The following TRPC7 variants were observed in gnomAD, a reference collection of about 807,000 sequenced individuals.
TRPC7 encodes transient receptor potential cation channel subfamily C member 7.
TRPC7 carries 42 observed loss-of-function variants against 90.1 expected under a neutral mutation model. The ratio of observed to expected loss-of-function variants is 0.47; its 90% CI spans 0.36 to 0.60. TRPC7 has a LOEUF of 0.60. Ranked by LOEUF, TRPC7 falls within the 20% of genes least tolerant of loss-of-function variation. TRPC7 has a pLI of 0.00. For synonymous variants in TRPC7, 451 were observed against 436.3 expected (o/e 1.03, Z -0.42); for missense variants, 955 against 1,112.3 (o/e 0.86, Z 2.01).
chr5:136,304,900 C>T (rs980660549), intron 3 of TRPC7, among the ~76,000 whole-genome samples: 2 of 152,352 alleles, frequency 1.3e-5, no homozygotes, highest in Non-Finnish European at 2.9e-5. Context: ...TACCCTGTAG[C>T]CTTTCTGTCC....
At chr5:136,286,778 C>T (rs1436490362) in intron 3 of TRPC7, among the ~76,000 whole-genome samples, 2 of 152,178 alleles carry the variant, frequency 1.3e-5, no homozygotes, top group Non-Finnish European at 2.9e-5. Context: ...GTCTCCTTCT[C>T]CATGGGACTG....
chr5:136,223,957 G>A (rs11743130), intron 10 of TRPC7, among the ~76,000 whole-genome samples: 8,821 of 152,204 alleles, frequency 0.058, 258 homozygotes, highest in Middle Eastern at 0.071. Flanking sequence ...CTAATTTTTC[G>A]CCTGTCATCT....
chr5:136,279,231 A>C (rs573173626), intron 3 of TRPC7, among the ~76,000 whole-genome samples: 3 of 152,170 alleles, frequency 2.0e-5, no homozygotes, highest in Non-Finnish European at 4.4e-5. Flanking sequence ...TTACTTACAC[A>C]AATGACCTTA....
intron 6 of TRPC7, among the ~76,000 whole-genome samples, chr5:136,248,035 G>A (rs1285492417): frequency 6.6e-6 from 1 of 152,164 alleles, no homozygotes; most frequent in East Asian, 1.9e-4. Flanking sequence ...ACCACGGGCT[G>A]GGCAGGTTCC....
intron 5 of TRPC7, among the ~76,000 whole-genome samples, chr5:136,254,250 G>T (rs930947599): frequency 1.3e-5 from 2 of 152,172 alleles, no homozygotes; most frequent in African/African-American, 4.8e-5. Context: ...ACGGATTTTT[G>T]ATGTAGATTA....
rs138832967 is a variant in TRPC7 at position 136,365,145 on chromosome 5, A to C, written c.2+108T>G. The C allele has an allele frequency of 3.6e-4, 446 of 1,250,236 alleles. 3 individuals are homozygous for C. The African/African-American group carries it at 5.9e-3, about 16-fold the overall frequency. 77.4% of individuals were successfully genotyped at this position (1,250,236 alleles called of 1,614,324 possible). A position where few individuals can be genotyped will look rare whatever the true frequency, so the allele number is the denominator to read the frequency against. On this transcript the variant is annotated intron_variant, in intron 1 of 11. Transcript: ENST00000513104. ...ATCCATCTAAAAATCTAAGCAGTGC[A>C]CTAGAGGAAGAAGGCTGATAAATGA...
At chr5:136,231,811 C>T (rs1382615655) in intron 7 of TRPC7, among the ~76,000 whole-genome samples, 1 of 152,134 alleles carries the variant, frequency 6.6e-6, no homozygotes, top group Non-Finnish European at 1.5e-5. Context: ...CACTATGTCG[C>T]CCAGGCTGGT....
chr5:136,356,553 A>C (rs1760382290), intron 2 of TRPC7, 55 bp downstream of exon 2: 1 of 1,469,782 alleles, frequency 6.8e-7, no homozygotes, highest in Non-Finnish European at 9.1e-7. Context: ...CACTGGACAC[A>C]CGTGGAAGAG....
chr5:136,341,007 C>G (rs1159252477), intron 2 of TRPC7, among the ~76,000 whole-genome samples: 1 of 152,154 alleles, frequency 6.6e-6, no homozygotes, highest in Admixed American at 6.5e-5. Flanking sequence ...AAAAGAGACT[C>G]ATTCTCTCTG....
At chr5:136,269,513 T>C (rs966877927) in intron 4 of TRPC7, among the ~76,000 whole-genome samples, 16 of 152,200 alleles carry the variant, frequency 1.1e-4, no homozygotes, top group Non-Finnish European at 2.9e-5. Context: ...CCTGTGGCTG[T>C]GATTGTGGTA....
intron 7 of TRPC7, among the ~76,000 whole-genome samples, chr5:136,246,319 C>A (rs1756336569): frequency 6.6e-6 from 1 of 152,184 alleles, no homozygotes; most frequent in African/African-American, 2.4e-5. Context: ...AGAGCAGTGA[C>A]CTGCAACCAC....
Position 136,247,535 on chromosome 5 carries a change from T to C in TRPC7, c.1780A>G (p.Met594Val). The C allele has an allele frequency of 2.5e-6, 4 of 1,613,950 alleles. No homozygotes were observed. Among genetic ancestry groups the C allele is most frequent in the Non-Finnish European group, 3.4e-6 (4 of 1,179,870 alleles). Reference sequence around the variant, plus strand: ...GAGTACAGGTTGAACATCCCAATCATGAAGGCCACAAATACCATGATGAAA... The same window carrying C: ...GAGTACAGGTTGAACATCCCAATCACGAAGGCCACAAATACCATGATGAAA... The part of the protein sequence containing the change: ...VIFIMVFVAF[M>V]IGMFNLYSYY... The change falls in exon 7 of 12, where the codon ATG becomes GTG. Residue 594 changes from methionine to valine, a missense_variant. Coordinates refer to ENST00000513104, the MANE Select transcript of TRPC7 (RefSeq NM_020389.3). This position sits in a 1 kb window ranked among gnomAD's most constrained non-coding sequence, Gnocchi z 4.2.
Position 136,251,722 on chromosome 5 carries a change from G to C in TRPC7, c.1506C>G (p.Tyr502Ter). ...TGTCGTCCTGCACGTGCTGGTCCAC[G>C]TACAGCTGTGCCTCCGTGGCCTTCA... ...AFLKATEAQL[Y>*]VDQHVQDDTL... Residue 502 changes from tyrosine (Y) to a stop codon, truncating the protein, a stop_gained, in exon 6 of 12, where the codon TAC becomes TAG. Transcript: ENST00000513104. LOFTEE classifies it high-confidence loss of function. 1 of 1,613,892 alleles carries C rather than the reference G, an allele frequency of 6.2e-7. No individual in the cohort carries two copies. Among genetic ancestry groups the C allele is most frequent in the Non-Finnish European group, 8.5e-7 (1 of 1,179,846 alleles).
chr5:136,274,394 TG>T (rs1757293919), intron 4 of TRPC7, among the ~76,000 whole-genome samples: 5 of 152,188 alleles, frequency 3.3e-5, no homozygotes, highest in Non-Finnish European at 7.3e-5. Context: ...AGAAGAAAAG[TG>T]TCTTTATTCT....
At chr5:136,258,256 A>G (rs4495175) in intron 5 of TRPC7, among the ~76,000 whole-genome samples, 6,262 of 152,324 alleles carry the variant, frequency 0.041, 224 homozygotes, top group African/African-American at 0.099. Context: ...GGCCATAAGT[A>G]AAAGTAACAT....
In TRPC7 at chr5:136,247,864, C is replaced by T; in HGVS notation, c.1580-129G>A. The T allele has an allele frequency of 8.2e-7, 1 of 1,214,528 alleles. No homozygotes were observed. Among genetic ancestry groups the T allele is most frequent in the South Asian group, 1.6e-5 (1 of 63,468 alleles). The allele number at this position is 1,214,528 out of a possible 1,614,324, so 75.2% of individuals were successfully genotyped here. A position where few individuals can be genotyped will look rare whatever the true frequency, so the allele number is the denominator to read the frequency against. ...CTTGTCCTTGTCCTTAAATTAATCC[C>T]AATATCCAGAAGTTGCCACCCTCCC... On this transcript the variant is annotated intron_variant, in intron 6 of 11. Transcript: ENST00000513104. This position sits in a 1 kb window ranked among gnomAD's most constrained non-coding sequence, Gnocchi z 4.2.
chr5:136,264,760 A>C (rs1580877860), intron 5 of TRPC7, among the ~76,000 whole-genome samples: 1 of 151,850 alleles, frequency 6.6e-6, no homozygotes, highest in Admixed American at 6.6e-5. Flanking sequence ...GCCTGGCTAA[A>C]TTTTGTATTT....
At chr5:136,326,369 G>A (rs1398867423) in intron 2 of TRPC7, among the ~76,000 whole-genome samples, 6 of 152,198 alleles carry the variant, frequency 3.9e-5, no homozygotes, top group African/African-American at 1.4e-4. Context: ...ACAGTAATAG[G>A]AGGAAAGGTC....
At chr5:136,299,332 G>GGT (rs71583250) in intron 3 of TRPC7, among the ~76,000 whole-genome samples, 3 of 127,048 alleles carry the variant, frequency 2.4e-5, no homozygotes, top group East Asian at 2.3e-4. Context: ...CTCTGACTGG[G>GGT]GTGTGTGCGT....
Sources: allele counts gnomAD v4.1 joint callset (sites outside exome capture counted in the v4.1 genomes callset), GRCh38; gene constraint gnomAD v4.1.1; non-coding constraint Gnocchi (gnomAD v3.1); transcripts MANE v1.5; gene names NCBI Gene and HGNC (gene_info 2026-07-23, HGNC 2026-07-21).